FOXP1: variants seen among roughly 807,000 people sequenced by gnomAD.
The protein encoded by FOXP1 is forkhead box P1.
In FOXP1, 15 loss-of-function variants were observed where a neutral mutation model predicts 98.2. The ratio of observed to expected loss-of-function variants is 0.15; its 90% CI spans 0.10 to 0.24. The LOEUF (loss-of-function observed/expected upper bound fraction) is 0.24, where lower values mean the gene tolerates loss of function less well. FOXP1 is among the 10% of genes least tolerant of loss of function. The pLI, the probability that FOXP1 is intolerant of heterozygous loss-of-function variation, is 1.00. For synonymous variants in FOXP1, 371 were observed against 314.5 expected (o/e 1.18, Z -1.90); for missense variants, 633 against 848.5 (o/e 0.75, Z 3.15).
chr3:71,507,580 T>C (rs533076573), intron 2 of FOXP1, among the ~76,000 whole-genome samples: 1 of 151,638 alleles, frequency 6.6e-6, no homozygotes, highest in South Asian at 2.1e-4. Flanking sequence ...GTTGCAAAAC[T>C]GCTTTTTTTT....
chr3:71,548,361 T>C (rs928931060), intron 2 of FOXP1, among the ~76,000 whole-genome samples: 1 of 152,194 alleles, frequency 6.6e-6, no homozygotes, highest in African/African-American at 2.4e-5. Context: ...CATAACAGTC[T>C]AGCATAATTC....
chr3:70,977,252 T>C (rs1189333921), intron 16 of FOXP1, among the ~76,000 whole-genome samples: 2 of 152,122 alleles, frequency 1.3e-5, no homozygotes, highest in Non-Finnish European at 2.9e-5. Flanking sequence ...TTTATTTCTG[T>C]TTCCGTACAG....
intron 14 of FOXP1, among the ~76,000 whole-genome samples, chr3:70,983,281 T>C (rs761033772): frequency 9.9e-5 from 15 of 151,936 alleles, no homozygotes; most frequent in Non-Finnish European, 2.1e-4. Context: ...AGTTGAAAGG[T>C]TGGTGGGGGT....
intron 5 of FOXP1, among the ~76,000 whole-genome samples, chr3:71,292,184 T>C (rs1019566084): frequency 3.3e-5 from 5 of 152,100 alleles, no homozygotes; most frequent in Non-Finnish European, 5.9e-5. Context: ...TGAGGACCTT[T>C]TGAAAGGGAA....
intron 6 of FOXP1, among the ~76,000 whole-genome samples, chr3:71,120,733 C>T (rs1575822716): frequency 6.6e-6 from 1 of 152,310 alleles, no homozygotes; most frequent in East Asian, 1.9e-4. Context: ...GGCCAAAGCA[C>T]TCCCTCCAGT....
rs536824987 is a variant in FOXP1 at position 71,193,054 on chromosome 3, G to C, written c.180+5148C>G. ...CCTCAAATACCATTTCCCATGTTCA[G>C]AGGACCCTGGGATATCAATTCCTGA... On this transcript the variant is annotated intron_variant, in intron 6 of 20. Coordinates refer to ENST00000649528, the MANE Select transcript of FOXP1 (RefSeq NM_001349338.3). 2.0e-5 allele frequency among the ~76,000 whole-genome samples: 3 copies of C among 152,240 alleles called. No homozygotes were observed. In the East Asian group the frequency reaches 5.8e-4, roughly 29 times the overall value.
In FOXP1 at chr3:70,958,385, T is replaced by C. The variant is rs1378730798; in HGVS notation, c.*862A>G. The C allele has an allele frequency of 3.9e-6, 2 of 515,212 alleles. No individual in the cohort carries two copies. Among genetic ancestry groups the C allele is most frequent in the Non-Finnish European group, 7.4e-6 (2 of 268,556 alleles). The allele number at this position is 515,212 out of a possible 1,614,324, so 31.9% of individuals were successfully genotyped here. A position where few individuals can be genotyped will look rare whatever the true frequency, so the allele number is the denominator to read the frequency against. The stretch of plus-strand genomic sequence containing the variant: ...TGTGAGAGGGCCTTCATGTGTAGAG[T>C]GCAGCATTTGGGACCTTTTTGAAAA... On this transcript the variant is annotated 3_prime_UTR_variant, in exon 21 of 21. Transcript: ENST00000649528.
chr3:71,228,054 C>T (rs1289691332), intron 5 of FOXP1, among the ~76,000 whole-genome samples: 1 of 151,936 alleles, frequency 6.6e-6, no homozygotes, highest in Non-Finnish European at 1.5e-5. Flanking sequence ...AACCTCTTTG[C>T]AGAAGCCCCT....
chr3:71,086,587 C>A (rs2107566527), intron 7 of FOXP1, among the ~76,000 whole-genome samples: 2 of 152,284 alleles, frequency 1.3e-5, no homozygotes, highest in African/African-American at 4.8e-5. Context: ...CCATCCCAGG[C>A]TAGAGACTCC....
rs149350381 is a variant in FOXP1 at position 71,325,146 on chromosome 3, G to A, written c.-72-25266C>T. ...CAGCTCACTGCAACCTCCACCTCCC[G>A]GGTTCAAGAGATTCTCCCACCTCAG... On this transcript the variant is annotated intron_variant, in intron 4 of 20. Coordinates refer to ENST00000649528, the MANE Select transcript of FOXP1 (RefSeq NM_001349338.3). Among the ~76,000 whole-genome samples the A allele has an allele frequency of 1.8e-3, 262 of 148,672 alleles. 2 individuals carry two copies. Among genetic ancestry groups the A allele is most frequent in the African/African-American group, 6.1e-3 (250 of 40,736 alleles).
intron 9 of FOXP1, among the ~76,000 whole-genome samples, chr3:71,052,312 C>T (rs749982030): frequency 9.2e-5 from 14 of 152,176 alleles, no homozygotes; most frequent in African/African-American, 1.4e-4. Context: ...TCTCCTGCTC[C>T]TCACACAGGT....
At chr3:71,434,297 G>A (rs1412124694) in intron 3 of FOXP1, among the ~76,000 whole-genome samples, 10 of 151,102 alleles carry the variant, frequency 6.6e-5, no homozygotes, top group Non-Finnish European at 1.3e-4. Context: ...TTGTTCCCCC[G>A]CAGTCAGGAT....
chr3:71,119,089 G>A (rs903448320), intron 6 of FOXP1, among the ~76,000 whole-genome samples: 1 of 152,150 alleles, frequency 6.6e-6, no homozygotes, highest in African/African-American at 2.4e-5. Flanking sequence ...GTTTGGCCAA[G>A]GAGCAAGAAC....
chr3:71,168,816 A>G (rs529890356), intron 6 of FOXP1, among the ~76,000 whole-genome samples: 1 of 152,360 alleles, frequency 6.6e-6, no homozygotes, highest in Non-Finnish European at 1.5e-5. Context: ...GTGATGAAGT[A>G]CTTCTATAGA....
intron 1 of FOXP1, chr3:71,582,623 C>A (rs1463797291): frequency 1.0e-6 from 1 of 985,304 alleles, no homozygotes; most frequent in Non-Finnish European, 1.2e-6. Context: ...GGGGTAAAAT[C>A]AGAAAATGTG....
intron 6 of FOXP1, among the ~76,000 whole-genome samples, chr3:71,131,565 T>TG (rs751668509): frequency 6.6e-6 from 1 of 152,224 alleles, no homozygotes; most frequent in Non-Finnish European, 1.5e-5. Context: ...AATAACTCAT[T>TG]GGGAGCTGTC....
At chr3:71,023,563 G>A (rs944894029) in intron 11 of FOXP1, among the ~76,000 whole-genome samples, 4 of 152,154 alleles carry the variant, frequency 2.6e-5, no homozygotes, top group Non-Finnish European at 4.4e-5. Context: ...TTCAATGACA[G>A]CTTATACAAA....
intron 3 of FOXP1, among the ~76,000 whole-genome samples, chr3:71,452,744 G>A (rs2135548): frequency 0.65 from 98,796 of 152,044 alleles, 33,683 homozygotes; most frequent in Non-Finnish European, 0.74. Flanking sequence ...TAGCTTTTCA[G>A]TTGCTGACAA....
chr3:71,542,588 C>T (rs1041192256), intron 2 of FOXP1, among the ~76,000 whole-genome samples: 1 of 152,206 alleles, frequency 6.6e-6, no homozygotes, highest in Non-Finnish European at 1.5e-5. Flanking sequence ...GCTGTTAAGC[C>T]GCACAGACGA....
Sources: allele counts gnomAD v4.1 joint callset (sites outside exome capture counted in the v4.1 genomes callset), GRCh38; gene constraint gnomAD v4.1.1; transcripts MANE v1.5; gene names NCBI Gene and HGNC (gene_info 2026-07-23, HGNC 2026-07-21).